TRIM8: variants seen among roughly 807,000 people sequenced by gnomAD.
TRIM8 encodes the protein E3 ubiquitin-protein ligase TRIM8.
TRIM8 carries 9 observed loss-of-function variants against 55.7 expected under a neutral mutation model. The observed-to-expected ratio is 0.16, with a 90% confidence interval of 0.10 to 0.28. The LOEUF (loss-of-function observed/expected upper bound fraction) is 0.28. Ranked by LOEUF, TRIM8 falls within the 10% of genes least tolerant of loss-of-function variation. The pLI, the probability that TRIM8 is intolerant of heterozygous loss-of-function variation, is 1.00. For missense variants in TRIM8, 556 were observed against 736.4 expected (o/e 0.76, Z 2.83); for synonymous variants, 335 against 333.3 (o/e 1.01, Z -0.06).
In TRIM8 at chr10:102,657,244, C is replaced by T. The variant is rs1358603108; in HGVS notation, c.1546C>T (p.Leu516Phe). Residue 516 changes from leucine to phenylalanine, a missense_variant, in exon 6 of 6, where the codon CTT becomes TTT. Physicochemically the swap from Leu to Phe is conservative, Grantham distance 22 (BLOSUM62 0). Transcript: ENST00000643721. ...LPPTPSVPQS[L>F]PSLAVRDWLD... The stretch of plus-strand genomic sequence containing the variant: ...GCCCACACCCTCCGTCCCCCAGTCC[C>T]TTCCCAGCCTGGCGGTCAGAGACTG... The T allele has an allele frequency of 1.9e-6, 3 of 1,614,084 alleles. No homozygotes were observed. Among genetic ancestry groups the T allele is most frequent in the East Asian group, 2.2e-5 (1 of 44,882 alleles).
chr10:102,652,684 G>C (rs905221926), intron 1 of TRIM8, among the ~76,000 whole-genome samples: 5 of 152,154 alleles, frequency 3.3e-5, no homozygotes, highest in Admixed American at 3.3e-4. Flanking sequence ...CTCCAGAATA[G>C]TGCTGTCTAA....
chr10:102,654,791 A>C (rs781516074), intron 2 of TRIM8, 43 bp downstream of exon 2: 19 of 1,449,682 alleles, frequency 1.3e-5, no homozygotes, highest in Non-Finnish European at 1.6e-5. Context: ...GGGTGGCTTG[A>C]GCGCAGGGCT....
intron 1 of TRIM8, 86 bp downstream of exon 1, chr10:102,645,273 G>A: frequency 1.5e-6 from 2 of 1,356,560 alleles, no homozygotes; most frequent in Non-Finnish European, 1.9e-6. Flanking sequence ...CACCCATCCC[G>A]ACAGGCTGAC....
In TRIM8 at chr10:102,655,153, T is replaced by G. The variant is rs2064013217; in HGVS notation, c.740T>G (p.Leu247Arg). Residue 247 changes from leucine to arginine, a missense_variant, in exon 3 of 6, where the codon CTG (leucine) becomes CGG (arginine). Around this residue, in one of 2 missense-constraint regions of TRIM8, gnomAD observed 391 missense variants for 441.0 expected, o/e 0.89. Coordinates refer to ENST00000643721, the MANE Select transcript of TRIM8 (RefSeq NM_030912.3). ...EKLHQLLDEDLRQTVEVLDKA... is the reference protein window; with the variant it reads ...EKLHQLLDEDRRQTVEVLDKA... ...CTGCACCAGCTGCTGGACGAGGACCTGCGGCAGACAGTGGAGGTCCTAGAC... is the reference window on the plus strand; with the variant it reads ...CTGCACCAGCTGCTGGACGAGGACCGGCGGCAGACAGTGGAGGTCCTAGAC... 1.2e-6 allele frequency: 2 copies of G among 1,612,166 alleles called. No homozygotes were observed. The highest frequency in any genetic ancestry group is 1.7e-5 in the Admixed American group (1 of 59,074).
rs1480649651 is a variant in TRIM8 at position 102,657,347 on chromosome 10, C to G, written c.1649C>G (p.Thr550Arg). Residue 550 changes from threonine (T) to arginine (R), a missense_variant, in exon 6 of 6, where the codon ACG becomes AGG. Thr to Arg is a moderately conservative substitution (Grantham distance 71, BLOSUM62 -1). Coordinates refer to ENST00000643721, the MANE Select transcript of TRIM8 (RefSeq NM_030912.3). ...YGQPSTKHYV[T>R]S is the part of the protein sequence containing the mutation. ...CAGCCGTCCACCAAACACTACGTGA[C>G]GAGCTAACGCCACGCAGGCGGCGGG... 24 of 1,566,266 alleles carry G rather than the reference C, an allele frequency of 1.5e-5. No homozygotes were observed. The Admixed American group carries it at 3.3e-4, about 22-fold the overall frequency.
At position 102,656,349 on chromosome 10, in the gene TRIM8, G is replaced by A. The variant is rs377140124; in HGVS notation, c.1012G>A (p.Ala338Thr). 3.3e-5 allele frequency: 53 copies of A among 1,613,962 alleles called. No homozygotes were observed. Among genetic ancestry groups the A allele is most frequent in the Non-Finnish European group, 1.7e-6 (2 of 1,179,982 alleles). Reference protein sequence around the residue: ...LNSKLFLNEVAKKEKQLRKML... With the variant: ...LNSKLFLNEVTKKEKQLRKML... ...CTCCAAGCTCTTCCTGAACGAAGTG[G>A]CCAAGAAGGAGAAGCAGCTGCGGAA... The change falls in exon 5 of 6, where the codon GCC becomes ACC. Residue 338 changes from alanine (A) to threonine (T), a missense_variant. Ala to Thr is a moderately conservative substitution (Grantham distance 58). This residue lies in a region of TRIM8 where 391 missense variants were observed against 441.0 expected (regional missense o/e 0.89). Transcript: ENST00000643721. The surrounding 1 kb of genome is among the most constrained non-coding windows in gnomAD (Gnocchi z 4.6).
rs1165472058 is a variant in TRIM8 at position 102,656,827 on chromosome 10, C to T, written c.1129C>T (p.Arg377Cys). ...CGVSSSGAEK[R>C]KHSTAFPEAS... ...CGTGAGCAGCTCTGGGGCGGAAAAG[C>T]GCAAGCACTCAACGGCCTTCCCAGA... is the stretch of plus-strand genomic sequence containing the variant. Residue 377 changes from arginine to cysteine, a missense_variant, in exon 6 of 6, where the codon CGC (arginine) becomes TGC (cysteine). Physicochemically the swap from Arg to Cys is radical, Grantham distance 180. This residue lies in a region of TRIM8 where 391 missense variants were observed against 441.0 expected (regional missense o/e 0.89). Coordinates refer to ENST00000643721, the MANE Select transcript of TRIM8 (RefSeq NM_030912.3). This position sits in a 1 kb window ranked among gnomAD's most constrained non-coding sequence, Gnocchi z 4.6. 6.5e-7 allele frequency: 1 copy of T among 1,535,380 alleles called. No individual in the cohort carries two copies. Among genetic ancestry groups the T allele is most frequent in the Non-Finnish European group, 8.7e-7 (1 of 1,143,054 alleles).
chr10:102,645,029 G>A lies in TRIM8; in HGVS notation c.412G>A (p.Asp138Asn), dbSNP rs374055249. Reference sequence around the variant, plus strand: ...CCGCGGGCACCTCCTGGTGGAGGCGGACGACGTGCGGGCCTGGAGCTGCCC... The same window carrying A: ...CCGCGGGCACCTCCTGGTGGAGGCGAACGACGTGCGGGCCTGGAGCTGCCC... The part of the protein sequence containing the change: ...TARGHLLVEA[D>N]DVRAWSCPQH... The change falls in exon 1 of 6, where the codon GAC becomes AAC. Residue 138 changes from aspartate (D) to asparagine (N), a missense_variant. Asp to Asn is a conservative substitution (Grantham distance 23). Transcript: ENST00000643721. 54 of 1,593,578 alleles carry A rather than the reference G, an allele frequency of 3.4e-5. No individual in the cohort carries two copies. The African/African-American group carries it at 6.1e-4, about 18-fold the overall frequency.
chr10:102,644,857 C>T lies in TRIM8; in HGVS notation c.240C>T (p.Ala80=), dbSNP rs763046816. The change falls in exon 1 of 6, where the codon GCC becomes GCT. Residue 80 remains alanine (A), a synonymous_variant. Coordinates refer to ENST00000643721, the MANE Select transcript of TRIM8 (RefSeq NM_030912.3). The part of the protein sequence containing the change: ...KLTNIVEKFN[A]LHVEKPPAAL... ...CCAACATCGTGGAGAAGTTCAATGC[C>T]CTGCACGTGGAGAAGCCGCCGGCGG... 11 of 1,612,334 alleles carry T rather than the reference C, an allele frequency of 6.8e-6. No individual in the cohort carries two copies. The highest frequency in any genetic ancestry group is 4.5e-5 in the East Asian group (2 of 44,822).
At chr10:102,648,667 G>A (rs189006346) in intron 1 of TRIM8, among the ~76,000 whole-genome samples, 5 of 152,288 alleles carry the variant, frequency 3.3e-5, no homozygotes, top group Admixed American at 2.6e-4. Context: ...GTGAGAGTGA[G>A]GGCTGGCTCT....
In TRIM8 at chr10:102,644,927, C is replaced by A; in HGVS notation, c.310C>A (p.Gln104Lys). 6.2e-7 allele frequency: 1 copy of A among 1,604,358 alleles called. No homozygotes were observed. Among genetic ancestry groups the A allele is most frequent in the Non-Finnish European group, 8.5e-7 (1 of 1,175,852 alleles). ...FCRRGPPLPA[Q>K]KVCLRCEAPC... is the part of the protein sequence containing the mutation. ...CCGCCGCGGCCCCCCGCTGCCCGCG[C>A]AGAAGGTCTGCCTGCGCTGCGAGGC... The change falls in exon 1 of 6, where the codon CAG (glutamine) becomes AAG (lysine). Residue 104 changes from glutamine (Q) to lysine (K), a missense_variant. Around this residue, in one of 2 missense-constraint regions of TRIM8, gnomAD observed 165 missense variants for 295.3 expected, o/e 0.56. Coordinates refer to ENST00000643721, the MANE Select transcript of TRIM8 (RefSeq NM_030912.3).
chr10:102,649,648 C>T (rs547657505), intron 1 of TRIM8, among the ~76,000 whole-genome samples: 1 of 152,170 alleles, frequency 6.6e-6, no homozygotes, highest in African/African-American at 2.4e-5. Flanking sequence ...GCTAATTCCA[C>T]TCTGCAGCTG....
chr10:102,655,239 A>C lies in TRIM8; in HGVS notation c.826A>C (p.Met276Leu). The C allele has an allele frequency of 6.2e-7, 1 of 1,602,288 alleles. No individual in the cohort carries two copies. Among genetic ancestry groups the C allele is most frequent in the Non-Finnish European group, 8.5e-7 (1 of 1,176,982 alleles). ...AAQALHLGER[M>L]QEAKKLLGSL... is the part of the protein sequence containing the mutation. ...GCAGGCGCTGCACCTCGGGGAGCGC[A>C]TGCAGGAGGCCAAGAAGCTGCTGGG... Residue 276 changes from methionine to leucine, a missense_variant, in exon 3 of 6, where the codon ATG becomes CTG. Met to Leu is a conservative substitution (Grantham distance 15). Transcript: ENST00000643721.
intron 1 of TRIM8, among the ~76,000 whole-genome samples, chr10:102,652,001 C>T (rs2063989360): frequency 2.0e-5 from 3 of 152,230 alleles, no homozygotes; most frequent in South Asian, 4.1e-4. Flanking sequence ...CGCCTGCCCA[C>T]TCATGCTGTG....
At position 102,644,922 on chromosome 10, in the gene TRIM8, C is replaced by CCGCG; in HGVS notation, c.307_310dup (p.Gln104ArgfsTer86). On this transcript the variant is annotated frameshift_variant, in exon 1 of 6. Transcript: ENST00000643721. LOFTEE classifies it high-confidence loss of function. ...TTCTGCCGCCGCGGCCCCCCGCTGC[C>CCGCG]CGCGCAGAAGGTCTGCCTGCGCTGC... 1 of 1,605,236 alleles carries CCGCG rather than the reference C, an allele frequency of 6.2e-7. No individual in the cohort carries two copies. The highest frequency in any genetic ancestry group is 8.5e-7 in the Non-Finnish European group (1 of 1,176,286).
intron 1 of TRIM8, among the ~76,000 whole-genome samples, chr10:102,648,035 G>A (rs12241531): frequency 0.087 from 13,303 of 152,168 alleles, 837 homozygotes; most frequent in East Asian, 0.17. Context: ...CCAGTGTGTC[G>A]GCCACATTGC....
rs761823602 is a variant in TRIM8 at position 102,656,090 on chromosome 10, T to C, written c.901-16T>C. The C allele has an allele frequency of 1.2e-6, 2 of 1,613,776 alleles. No homozygotes were observed. Among genetic ancestry groups the C allele is most frequent in the Non-Finnish European group, 1.7e-6 (2 of 1,179,848 alleles). On this transcript the variant is annotated splice_polypyrimidine_tract_variant and intron_variant, in intron 3 of 5. Coordinates refer to ENST00000643721, the MANE Select transcript of TRIM8 (RefSeq NM_030912.3). The surrounding 1 kb of genome is among the most constrained non-coding windows in gnomAD (Gnocchi z 4.6). ...CTGCCTTTTCCACTGACTTGACTCTTTTCTCTCCCCAACAGAACACCAAGT... is the reference window on the plus strand; with the variant it reads ...CTGCCTTTTCCACTGACTTGACTCTCTTCTCTCCCCAACAGAACACCAAGT...
In TRIM8 at chr10:102,657,444, C is replaced by T; in HGVS notation, c.*90C>T. On this transcript the variant is annotated 3_prime_UTR_variant, in exon 6 of 6. Coordinates refer to ENST00000643721, the MANE Select transcript of TRIM8 (RefSeq NM_030912.3). ...ATCCAGAGACCTGCCCTTCTACCTT[C>T]CTCGCCTCCCCTCTTCCTCATTCCA... 7.1e-7 allele frequency: 1 copy of T among 1,409,652 alleles called. No individual in the cohort carries two copies. The highest frequency in any genetic ancestry group is 9.5e-7 in the Non-Finnish European group (1 of 1,051,442). The allele number at this position is 1,409,652 out of a possible 1,614,324, so 87.3% of individuals were successfully genotyped here.
intron 1 of TRIM8, chr10:102,653,431 G>T (rs1298123588): frequency 2.0e-5 from 3 of 152,584 alleles, no homozygotes; most frequent in African/African-American, 7.2e-5. Context: ...GTGTAAAAGA[G>T]CCTTCATTGC....
Sources: allele counts gnomAD v4.1 joint callset (sites outside exome capture counted in the v4.1 genomes callset), GRCh38; gene constraint gnomAD v4.1.1; regional missense constraint gnomAD v4.1.1; non-coding constraint Gnocchi (gnomAD v3.1); transcripts MANE v1.5; gene names NCBI Gene and HGNC (gene_info 2026-07-23, HGNC 2026-07-21).